The following GLRA1 variants were observed in gnomAD, a reference collection of about 807,000 sequenced individuals.
GLRA1 encodes glycine receptor alpha 1, also known as glycine receptor subunit alpha-1.
Under a neutral mutation model 48.3 loss-of-function variants are expected in GLRA1, and 37 were observed. The ratio of observed to expected loss-of-function variants is 0.77; its 90% confidence interval spans 0.59 to 1.01. GLRA1 has a LOEUF of 1.01. GLRA1 is among the 50% of genes least tolerant of loss of function. The probability of loss-of-function intolerance (pLI) is 0.00; values close to 1 mark genes in which losing one functional copy is unlikely to be tolerated. For synonymous variants in GLRA1, 196 were observed against 210.7 expected (o/e 0.93, Z 0.60); for missense variants, 427 against 571.0 (o/e 0.75, Z 2.57).
intron 3 of GLRA1, among the ~76,000 whole-genome samples, chr5:151,862,630 T>G (rs2113364740): frequency 6.6e-6 from 1 of 152,288 alleles, no homozygotes; most frequent in Middle Eastern, 3.4e-3. Context: ...CCAAATCAAT[T>G]AGGGAAATGT....
intron 2 of GLRA1, among the ~76,000 whole-genome samples, chr5:151,891,985 T>C (rs568495774): frequency 1.3e-5 from 2 of 152,130 alleles, no homozygotes; most frequent in Non-Finnish European, 2.9e-5. Flanking sequence ...GCTCAGAGAG[T>C]AAGTTTGTGC....
intron 3 of GLRA1, 135 bp downstream of exon 3, chr5:151,886,586 A>C (rs576575755): frequency 1.4e-6 from 1 of 722,330 alleles, no homozygotes; most frequent in East Asian, 2.6e-5. Context: ...TCCGAGCCTC[A>C]TGGTATACCA....
intron 6 of GLRA1, among the ~76,000 whole-genome samples, chr5:151,853,351 A>G (rs1413902596): frequency 1.3e-5 from 2 of 151,590 alleles, no homozygotes; most frequent in African/African-American, 4.8e-5. Context: ...GGTTCAAGGG[A>G]TCTCCTGTCT....
At chr5:151,894,310 T>G (rs1247325848) in intron 1 of GLRA1, among the ~76,000 whole-genome samples, 1 of 152,212 alleles carries the variant, frequency 6.6e-6, no homozygotes, top group East Asian at 1.9e-4. Flanking sequence ...AATGGATGAC[T>G]CTCAAATCTG....
Position 151,897,015 on chromosome 5 carries a change from A to G in GLRA1, c.57-4577T>C, listed in dbSNP as rs568606623. 7.2e-5 allele frequency among the ~76,000 whole-genome samples: 11 copies of G among 152,330 alleles called. No homozygotes were observed. In the South Asian group the frequency reaches 2.3e-3, roughly 32 times the overall value. On this transcript the variant is annotated intron_variant, in intron 1 of 8. Coordinates refer to ENST00000274576, the MANE Select transcript of GLRA1 (RefSeq NM_000171.4). ...AACGAGACTCCTGGAGTTAATAAGA[A>G]AGATTGGAAGAGAATTGGTTCAATA...
intron 1 of GLRA1, among the ~76,000 whole-genome samples, chr5:151,916,405 T>C (rs1754743104): frequency 6.6e-6 from 1 of 152,250 alleles, no homozygotes; most frequent in South Asian, 2.1e-4. Context: ...TGGCGAATGT[T>C]GCAGAACTGA....
In GLRA1 at chr5:151,906,018, T is replaced by TG. The variant is rs527426919; in HGVS notation, c.57-13581dup. On this transcript the variant is annotated intron_variant, in intron 1 of 8. Transcript: ENST00000274576. ...GCAAGCATTCCCTAAATGCTCGAAA[T>TG]GGGGGGTGGGATAACATGGTGGACT... Among the ~76,000 whole-genome samples the TG allele has an allele frequency of 2.6e-5, 4 of 152,206 alleles. 1 individual carries two copies. In the South Asian group the frequency reaches 8.3e-4, roughly 32 times the overall value.
At chr5:151,837,131 C>G (rs1055925997) in intron 7 of GLRA1, among the ~76,000 whole-genome samples, 2 of 152,134 alleles carry the variant, frequency 1.3e-5, no homozygotes, top group Admixed American at 6.5e-5. Context: ...GAAAAACAAC[C>G]CCATCAAAAA....
intron 7 of GLRA1, among the ~76,000 whole-genome samples, chr5:151,837,793 C>T (rs902501008): frequency 2.4e-4 from 37 of 152,136 alleles, no homozygotes; most frequent in African/African-American, 8.7e-4. Flanking sequence ...GGGAACATCA[C>T]ACACCAGGGC....
chr5:151,880,881 A>T (rs1228108562), intron 3 of GLRA1, among the ~76,000 whole-genome samples: 2 of 152,216 alleles, frequency 1.3e-5, no homozygotes, highest in African/African-American at 4.8e-5. Context: ...ACCCAAAGAA[A>T]ATAATACACT....
chr5:151,924,496 G>A lies in GLRA1; in HGVS notation c.54C>T (p.Phe18=), dbSNP rs1754958953. The part of the protein sequence containing the change: ...RLYLWETIVF[F]SLAASKEAEA... The stretch of plus-strand genomic sequence containing the variant: ...GTGGTCAGTAGAAAATTGCATACCT[G>A]AAGAATACAATGGTCTCCCAAAGGT... The change falls in exon 1 of 9, where the codon TTC becomes TTT. Residue 18 remains phenylalanine, a splice_region_variant and synonymous_variant. Coordinates refer to ENST00000274576, the MANE Select transcript of GLRA1 (RefSeq NM_000171.4). 1 of 1,576,248 alleles carries A rather than the reference G, an allele frequency of 6.3e-7. No homozygotes were observed. The highest frequency in any genetic ancestry group is 1.3e-5 in the African/African-American group (1 of 74,334).
chr5:151,827,542 G>A (rs147642739), intron 8 of GLRA1, among the ~76,000 whole-genome samples: 1 of 152,212 alleles, frequency 6.6e-6, no homozygotes, highest in Non-Finnish European at 1.5e-5. Context: ...CCCTTTATAC[G>A]CATTTTGCAC....
chr5:151,921,199 C>A lies in GLRA1; in HGVS notation c.56+3295G>T, dbSNP rs1006089771. On this transcript the variant is annotated intron_variant, in intron 1 of 8. Coordinates refer to ENST00000274576, the MANE Select transcript of GLRA1 (RefSeq NM_000171.4). ...CTGGTTTATCTCCCTGCCTTTATTC[C>A]CTTCTCAAGCACATGCTAGGTCCAT... 3.9e-5 allele frequency among the ~76,000 whole-genome samples: 6 copies of A among 152,188 alleles called. No individual in the cohort carries two copies. The South Asian group carries it at 1.0e-3, about 26-fold the overall frequency.
chr5:151,833,057 T>G (rs1031630401), intron 7 of GLRA1, among the ~76,000 whole-genome samples: 1 of 152,090 alleles, frequency 6.6e-6, no homozygotes, highest in Admixed American at 6.5e-5. Flanking sequence ...CTAAGCTTCA[T>G]AAGCAAAGGA....
At chr5:151,902,302 C>T (rs1024771334) in intron 1 of GLRA1, among the ~76,000 whole-genome samples, 3 of 151,848 alleles carry the variant, frequency 2.0e-5, no homozygotes, top group South Asian at 2.1e-4. Context: ...ATAACTGGAG[C>T]GCTCCAGGTC....
intron 3 of GLRA1, among the ~76,000 whole-genome samples, chr5:151,863,287 G>A (rs1304190168): frequency 6.6e-6 from 1 of 152,012 alleles, no homozygotes; most frequent in Non-Finnish European, 1.5e-5. Flanking sequence ...GTGATGGCCT[G>A]TACAGTAGCC....
chr5:151,851,745 C>G, intron 6 of GLRA1, 141 bp from the exon 7 acceptor site: 1 of 690,430 alleles, frequency 1.4e-6, no homozygotes, highest in Admixed American at 2.0e-5. Context: ...TGTTCTGTAT[C>G]TGTTTCCTTA....
rs189014132 is a variant in GLRA1 at position 151,834,889 on chromosome 5, G to A, written c.913-5822C>T. Among the ~76,000 whole-genome samples the A allele has an allele frequency of 7.8e-3, 1,183 of 151,964 alleles. 15 individuals are homozygous for A. Among genetic ancestry groups the A allele is most frequent in the African/African-American group, 0.025 (1,033 of 41,452 alleles). On this transcript the variant is annotated intron_variant, in intron 7 of 8. Transcript: ENST00000274576. Reference sequence around the variant, plus strand: ...AAAAAATACAAAAAATTAGCCGGGCGTGGTGGCAGGCGCCTGTAGTCCCAG... The same window carrying A: ...AAAAAATACAAAAAATTAGCCGGGCATGGTGGCAGGCGCCTGTAGTCCCAG...
intron 8 of GLRA1, 76 bp downstream of exon 8, chr5:151,828,845 A>C: frequency 9.1e-6 from 13 of 1,433,842 alleles, no homozygotes; most frequent in Non-Finnish European, 1.2e-5. Context: ...GAAACAAATA[A>C]CACAAGACAA....
Sources: allele counts gnomAD v4.1 joint callset (sites outside exome capture counted in the v4.1 genomes callset), GRCh38; gene constraint gnomAD v4.1.1; transcripts MANE v1.5; gene names NCBI Gene and HGNC (gene_info 2026-07-23, HGNC 2026-07-21).